BCL2L10: variants seen among roughly 807,000 people sequenced by gnomAD.
The protein encoded by BCL2L10 is BCL2 like 10, also known as bcl-2-like protein 10.
Under a neutral mutation model 11.1 loss-of-function variants are expected in BCL2L10, and 14 were observed. That is an observed-to-expected ratio of 1.26 (90% CI 0.83 to 1.96). The LOEUF (loss-of-function observed/expected upper bound fraction) is 1.96, where lower values mean the gene tolerates loss of function less well. Ranked by LOEUF, BCL2L10 falls within the 30% of genes most tolerant of loss-of-function variation. BCL2L10 has a pLI of 0.00. For missense variants in BCL2L10, 309 were observed against 273.9 expected, an observed-to-expected ratio of 1.13 and a Z score of -0.90; for synonymous variants, 154 against 133.4, an observed-to-expected ratio of 1.15 and a Z score of -1.07.
Position 52,112,642 on chromosome 15 carries a change from A to G in BCL2L10, c.85T>C (p.Tyr29His), listed in dbSNP as rs774484256. Residue 29 changes from tyrosine (Y) to histidine (H), a missense_variant, in exon 1 of 2, where the codon TAC becomes CAC. Transcript: ENST00000260442. ...GGGGTGCCGGGTTCCCGGGCGCAGT[A>G]CCCCAGGTAGTCGGCCAGCAACAGC... ...TELLLADYLG[Y>H]CAREPGTPEP... 2 of 1,560,688 alleles carry G rather than the reference A, an allele frequency of 1.3e-6. No homozygotes were observed. The highest frequency in any genetic ancestry group is 3.7e-5 in the Admixed American group (2 of 53,678).
At chr15:52,112,002 G>C (rs1448416277) in intron 1 of BCL2L10, among the ~76,000 whole-genome samples, 1 of 152,244 alleles carries the variant, frequency 6.6e-6, no homozygotes, top group Non-Finnish European at 1.5e-5. Context: ...CTGCGCAGCT[G>C]CTTCGGAACG....
intron 1 of BCL2L10, 194 bp downstream of exon 1, chr15:52,112,044 C>T: frequency 1.7e-6 from 2 of 1,150,346 alleles, no homozygotes; most frequent in Non-Finnish European, 2.3e-6. Flanking sequence ...CCGATTTCTG[C>T]CGGCCTTTCT....
Position 52,112,680 on chromosome 15 carries a change from C to T in BCL2L10, c.47G>A (p.Arg16Gln). 1.3e-6 allele frequency: 2 copies of T among 1,540,636 alleles called. No individual in the cohort carries two copies. The highest frequency in any genetic ancestry group is 8.7e-7 in the Non-Finnish European group (1 of 1,149,574). ...RERTTMADPL[R>Q]ERTELLLADY... ...GGCCAGCAACAGCTCGGTGCGCTCC[C>T]GCAGCGGGTCGGCCATGGTGGTGCG... The change falls in exon 1 of 2, where the codon CGG (arginine) becomes CAG (glutamine). Residue 16 changes from arginine to glutamine, a missense_variant. Coordinates refer to ENST00000260442, the MANE Select transcript of BCL2L10 (RefSeq NM_020396.4).
At chr15:52,111,464 C>T (rs1423096206) in intron 1 of BCL2L10, among the ~76,000 whole-genome samples, 1 of 152,082 alleles carries the variant, frequency 6.6e-6, no homozygotes, top group East Asian at 1.9e-4. Flanking sequence ...TATAGGTATC[C>T]GATAACATGG....
chr15:52,110,954 C>T (rs181198442), intron 1 of BCL2L10, among the ~76,000 whole-genome samples: 2 of 152,068 alleles, frequency 1.3e-5, no homozygotes, highest in Non-Finnish European at 2.9e-5. Context: ...AAGACCAACA[C>T]TAACATTATG....
chr15:52,112,034 C>T, intron 1 of BCL2L10: 1 of 1,077,148 alleles, frequency 9.3e-7, no homozygotes, highest in Admixed American at 3.5e-5. Flanking sequence ...TCTAAGAAGG[C>T]CGATTTCTGC....
chr15:52,111,696 G>A (rs2033059104), intron 1 of BCL2L10, among the ~76,000 whole-genome samples: 1 of 152,082 alleles, frequency 6.6e-6, no homozygotes, highest in African/African-American at 2.4e-5. Context: ...GGGTGCAGAG[G>A]ACTAGAAATT....
chr15:52,111,424 CA>C (rs146239413), intron 1 of BCL2L10, among the ~76,000 whole-genome samples: 12,763 of 152,042 alleles, frequency 0.084, 1,842 homozygotes, highest in African/African-American at 0.29. Flanking sequence ...CATTTCGGAT[CA>C]AAAAACTTGC....
Position 52,112,118 on chromosome 15 carries a change from C to T in BCL2L10, c.489+120G>A, listed in dbSNP as rs910476974. ...TCCAGGCCCGCTGAAACGAGCCTTT[C>T]TGCTTTCACGAAACCTCGTTCCAGG... On this transcript the variant is annotated intron_variant, in intron 1 of 1. Coordinates refer to ENST00000260442, the MANE Select transcript of BCL2L10 (RefSeq NM_020396.4). The T allele has an allele frequency of 2.4e-5, 33 of 1,389,820 alleles. 1 individual carries two copies. In the African/African-American group the frequency reaches 4.7e-4, roughly 20 times the overall value. 86.1% of individuals were successfully genotyped at this position (1,389,820 alleles called of 1,614,324 possible).
chr15:52,111,217 C>CACACACACACACACACACACAG (rs1437768229), intron 1 of BCL2L10, among the ~76,000 whole-genome samples: 16 of 147,370 alleles, frequency 1.1e-4, no homozygotes, highest in Admixed American at 1.0e-3. Context: ...CACACACACA[C>CACACACACACACACACACACAG]AGTTAGCCAG....
rs1385631842 is a variant in BCL2L10 at position 52,112,757 on chromosome 15, C to T, written c.-31G>A. ...GGCCTCTGCTGGGGGGCCGGGCCTTCGCTGGTTTTCTTGGCCCGGCCGCGC... is the reference window on the plus strand; with the variant it reads ...GGCCTCTGCTGGGGGGCCGGGCCTTTGCTGGTTTTCTTGGCCCGGCCGCGC... On this transcript the variant is annotated 5_prime_UTR_variant, in exon 1 of 2. Transcript: ENST00000260442. The T allele has an allele frequency of 6.7e-7, 1 of 1,495,252 alleles. No individual in the cohort carries two copies. The highest frequency in any genetic ancestry group is 2.6e-5 in the East Asian group (1 of 37,806). The allele number at this position is 1,495,252 out of a possible 1,614,324, so 92.6% of individuals were successfully genotyped here.
rs748095619 is a variant in BCL2L10 at position 52,112,701 on chromosome 15, G to A, written c.26C>T (p.Thr9Ile). The A allele has an allele frequency of 2.6e-6, 4 of 1,537,210 alleles. No individual in the cohort carries two copies. The South Asian group carries it at 4.8e-5, about 18-fold the overall frequency. MVDQLRER[T>I]TMADPLRERT... is the part of the protein sequence containing the mutation. ...CTCCCGCAGCGGGTCGGCCATGGTGGTGCGCTCCCGCAACTGGTCAACCAT... is the reference window on the plus strand; with the variant it reads ...CTCCCGCAGCGGGTCGGCCATGGTGATGCGCTCCCGCAACTGGTCAACCAT... Residue 9 changes from threonine (T) to isoleucine (I), a missense_variant, in exon 1 of 2, where the codon ACC becomes ATC. Transcript: ENST00000260442.
Position 52,109,764 on chromosome 15 carries a change from C to G in BCL2L10, c.*84G>C, listed in dbSNP as rs1465309101. On this transcript the variant is annotated 3_prime_UTR_variant, in exon 2 of 2. Coordinates refer to ENST00000260442, the MANE Select transcript of BCL2L10 (RefSeq NM_020396.4). ...AAAACGTCTGGGGTGGGGGAAGGTGCTTTCCCTCAGTTCTTGTTCTCACAC... is the reference window on the plus strand; with the variant it reads ...AAAACGTCTGGGGTGGGGGAAGGTGGTTTCCCTCAGTTCTTGTTCTCACAC... The G allele has an allele frequency of 2.6e-6, 4 of 1,556,504 alleles. No individual in the cohort carries two copies. The highest frequency in any genetic ancestry group is 3.5e-6 in the Non-Finnish European group (4 of 1,142,624).
In BCL2L10 at chr15:52,109,944, G is replaced by A. The variant is rs142737063; in HGVS notation, c.519C>T (p.Pro173=). 147 of 1,613,420 alleles carry A rather than the reference G, an allele frequency of 9.1e-5. No homozygotes were observed. The African/African-American group carries it at 1.7e-3, about 19-fold the overall frequency. ...WDGFCHFFRT[P]FPLAFWRKQL... is the part of the protein sequence containing the mutation. ...GTTTTCTCCAAAAAGCCAGTGGAAA[G>A]GGGGTCCTGAAGAAGTGACAAAAGC... The change falls in exon 2 of 2, where the codon CCC becomes CCT. Residue 173 remains proline (P), a synonymous_variant. Transcript: ENST00000260442.
chr15:52,110,993 C>A (rs1239083939), intron 1 of BCL2L10, among the ~76,000 whole-genome samples: 1 of 152,034 alleles, frequency 6.6e-6, no homozygotes. Context: ...GCTAACACAC[C>A]TCCCACTCCC....
chr15:52,109,875 G>A lies in BCL2L10; in HGVS notation c.588C>T (p.Phe196=). Residue 196 remains phenylalanine, a synonymous_variant, in exon 2 of 2, where the codon TTC becomes TTT. Coordinates refer to ENST00000260442, the MANE Select transcript of BCL2L10 (RefSeq NM_020396.4). ...ATAATAATCGTGTCCAGAGATAAAT[G>A]AAGGCTGTTGTTAACAAGCATGACA... The part of the protein sequence containing the change: ...AFLSCLLTTA[F]IYLWTRLL 1 of 1,613,950 alleles carries A rather than the reference G, an allele frequency of 6.2e-7. No homozygotes were observed. Among genetic ancestry groups the A allele is most frequent in the South Asian group, 1.1e-5 (1 of 91,066 alleles).
At chr15:52,111,574 G>A (rs2033057573) in intron 1 of BCL2L10, among the ~76,000 whole-genome samples, 1 of 152,102 alleles carries the variant, frequency 6.6e-6, no homozygotes, top group Non-Finnish European at 1.5e-5. Context: ...ATCACCAGGT[G>A]GCTTTCCTTG....
rs2033016152 is a variant in BCL2L10, at chr15:52,109,493, C to G, written c.*355G>C. ...GGCCATGTTTAAAATTAGTCAGCAG[C>G]ACATGAAGTTGTGGAGAGATGAGAG... is the stretch of plus-strand genomic sequence containing the variant. On this transcript the variant is annotated 3_prime_UTR_variant, in exon 2 of 2. Transcript: ENST00000260442. 1 of 177,426 alleles carries G rather than the reference C, an allele frequency of 5.6e-6. No individual in the cohort carries two copies. Among genetic ancestry groups the G allele is most frequent in the Admixed American group, 6.2e-5 (1 of 16,022 alleles). 11.0% of individuals were successfully genotyped at this position (177,426 alleles called of 1,614,324 possible).
chr15:52,109,980 G>A lies in BCL2L10; in HGVS notation c.490-7C>T, dbSNP rs373991834. Reference sequence around the variant, plus strand: ...AGAAGTGACAAAAGCCATCCTACAGGGGGGAGAGAGAAAAGTTAGATTGCC... The same window carrying A: ...AGAAGTGACAAAAGCCATCCTACAGAGGGGAGAGAGAAAAGTTAGATTGCC... On this transcript the variant is annotated splice_region_variant and splice_polypyrimidine_tract_variant and intron_variant, in intron 1 of 1. Transcript: ENST00000260442. The A allele has an allele frequency of 1.1e-5, 18 of 1,592,660 alleles. No individual in the cohort carries two copies. The South Asian group carries it at 1.1e-4, about 10-fold the overall frequency.
Sources: gnomAD v4.1 joint callset for allele counts (sites outside exome capture counted in the v4.1 genomes callset) on GRCh38, gnomAD v4.1.1 for gene constraint, MANE v1.5 for transcripts, NCBI Gene and HGNC (gene_info 2026-07-23, HGNC 2026-07-21) for gene names.